The following OR4M1 variants were observed in gnomAD, a reference collection of about 807,000 sequenced individuals.
The protein encoded by OR4M1 is olfactory receptor 4M1.
Under a neutral mutation model 9.8 loss-of-function variants are expected in OR4M1, and 7 were observed. The ratio of observed to expected loss-of-function variants is 0.71; its 90% confidence interval spans 0.41 to 1.34. The LOEUF is 1.34. Ranked by LOEUF, OR4M1 falls within the 40% of genes most tolerant of loss-of-function variation. The probability of loss-of-function intolerance (pLI) is 0.01; values close to 1 mark genes in which losing one functional copy is unlikely to be tolerated. For synonymous variants in OR4M1, 121 were observed against 139.8 expected, an observed-to-expected ratio of 0.87 and a Z score of 0.95; for missense variants, 331 against 380.4, an observed-to-expected ratio of 0.87 and a Z score of 1.08.
Position 19,782,071 on chromosome 14 carries a change from C to T in OR4M1, c.*807C>T, listed in dbSNP as rs1040525748. The T allele has an allele frequency of 1.3e-5, 2 of 152,246 alleles. No individual in the cohort carries two copies. Among genetic ancestry groups the T allele is most frequent in the Non-Finnish European group, 2.9e-5 (2 of 68,064 alleles). The allele number at this position is 152,246 out of a possible 1,614,324, so 9.4% of individuals were successfully genotyped here. A position where few individuals can be genotyped will look rare whatever the true frequency, so the allele number is the denominator to read the frequency against. On this transcript the variant is annotated 3_prime_UTR_variant, in exon 2 of 2. Transcript: ENST00000641200. The stretch of plus-strand genomic sequence containing the variant: ...TGACTGGAATTGGTAGACATCTAGC[C>T]GTGTAGTTTTTTTCTAAACTATCAT...
chr14:19,780,942 C>G lies in OR4M1; in HGVS notation c.620C>G (p.Ser207Cys). The G allele has an allele frequency of 6.2e-7, 1 of 1,614,196 alleles. No individual in the cohort carries two copies. Among genetic ancestry groups the G allele is most frequent in the Non-Finnish European group, 8.5e-7 (1 of 1,180,022 alleles). ...LVMICSSGLI[S>C]VVCFIALLMS... ...ATGATCTGTAGTAGTGGTCTGATCT[C>G]TGTGGTGTGTTTCATTGCTCTGTTA... Residue 207 changes from serine (S) to cysteine (C), a missense_variant, in exon 2 of 2, where the codon TCT becomes TGT. This residue lies in a region of OR4M1 where 122 missense variants were observed against 180.5 expected (regional missense o/e 0.68). Transcript: ENST00000641200.
rs1413336454 is a variant in OR4M1 at position 19,781,494 on chromosome 14, A to G, written c.*230A>G. 1 of 506,578 alleles carries G rather than the reference A, an allele frequency of 2.0e-6. No individual in the cohort carries two copies. Among genetic ancestry groups the G allele is most frequent in the African/African-American group, 2.0e-5 (1 of 51,232 alleles). The allele number at this position is 506,578 out of a possible 1,614,324, so 31.4% of individuals were successfully genotyped here. A position where few individuals can be genotyped will look rare whatever the true frequency, so the allele number is the denominator to read the frequency against. The stretch of plus-strand genomic sequence containing the variant: ...CCAGGCAGATCATTATTAGAATTTG[A>G]GATATAATAATAATCTGCTAAAGTA... On this transcript the variant is annotated 3_prime_UTR_variant, in exon 2 of 2. Transcript: ENST00000641200.
intron 1 of OR4M1, among the ~76,000 whole-genome samples, chr14:19,776,122 T>C (rs1437604207): frequency 6.6e-6 from 1 of 152,234 alleles, no homozygotes; most frequent in Non-Finnish European, 1.5e-5. Flanking sequence ...TAATTCGCAT[T>C]ATTTCTAAGA....
intron 1 of OR4M1, among the ~76,000 whole-genome samples, 188 bp downstream of exon 1, chr14:19,773,781 G>T (rs1339505660): frequency 6.6e-6 from 1 of 151,914 alleles, no homozygotes; most frequent in Admixed American, 6.6e-5. Context: ...TGTAGAGTGG[G>T]TGGACAAATT....
At position 19,781,916 on chromosome 14, in the gene OR4M1, G is replaced by A. The variant is rs969868056; in HGVS notation, c.*652G>A. ...ACAAATTTTATGAATTCAAAGCAGA[G>A]TATAATTTGGCTGATACATGAGATT... is the stretch of plus-strand genomic sequence containing the variant. On this transcript the variant is annotated 3_prime_UTR_variant, in exon 2 of 2. Transcript: ENST00000641200. 6.6e-6 allele frequency: 1 copy of A among 152,512 alleles called. No individual in the cohort carries two copies. Among genetic ancestry groups the A allele is most frequent in the African/African-American group, 2.4e-5 (1 of 41,462 alleles). The allele number at this position is 152,512 out of a possible 1,614,324, so 9.4% of individuals were successfully genotyped here.
chr14:19,774,434 C>T (rs988504851), intron 1 of OR4M1, among the ~76,000 whole-genome samples: 2 of 152,208 alleles, frequency 1.3e-5, no homozygotes, highest in African/African-American at 2.4e-5. Context: ...ATGCTAGGAA[C>T]TACTTTAGGC....
chr14:19,777,396 A>G (rs1293451561), intron 1 of OR4M1, among the ~76,000 whole-genome samples: 1 of 152,110 alleles, frequency 6.6e-6, no homozygotes, highest in Non-Finnish European at 1.5e-5. Flanking sequence ...CCTTTTCTAA[A>G]ATACTCCATC....
At chr14:19,778,815 CTTTCTTTTGA>C (rs1878382705) in intron 1 of OR4M1, among the ~76,000 whole-genome samples, 1 of 54,698 alleles carries the variant, frequency 1.8e-5, no homozygotes, top group Non-Finnish European at 3.7e-5. Context: ...ACCTTATTAT[CTTTCTTTTGA>C]TTAAATCTTC....
At chr14:19,776,968 ATTC>A (rs1464251863) in intron 1 of OR4M1, among the ~76,000 whole-genome samples, 2 of 137,530 alleles carry the variant, frequency 1.5e-5, no homozygotes, top group Non-Finnish European at 1.5e-5. Context: ...TAAACAAATT[ATTC>A]TTCTCTCCAA....
At chr14:19,776,537 C>G (rs531473337) in intron 1 of OR4M1, among the ~76,000 whole-genome samples, 1 of 152,120 alleles carries the variant, frequency 6.6e-6, no homozygotes, top group Non-Finnish European at 1.5e-5. Context: ...GGATGTAAGA[C>G]GAAGTAAATC....
intron 1 of OR4M1, among the ~76,000 whole-genome samples, chr14:19,779,325 A>G (rs957857928): frequency 3.3e-5 from 5 of 152,144 alleles, no homozygotes; most frequent in Admixed American, 1.3e-4. Flanking sequence ...AAAAGAAACA[A>G]CTCTCTTGTA....
At chr14:19,776,697 T>G (rs1331331804) in intron 1 of OR4M1, among the ~76,000 whole-genome samples, 1 of 152,144 alleles carries the variant, frequency 6.6e-6, no homozygotes, top group African/African-American at 2.4e-5. Context: ...TAAACATAAT[T>G]GCTTTGGGTT....
intron 1 of OR4M1, among the ~76,000 whole-genome samples, chr14:19,779,480 G>A (rs1878401210): frequency 6.6e-6 from 1 of 152,184 alleles, no homozygotes; most frequent in African/African-American, 2.4e-5. Context: ...TCAATACAGG[G>A]CAGTAAGCAA....
Position 19,781,369 on chromosome 14 carries a change from T to C in OR4M1, c.*105T>C. ...TCACTTCCTCCGTTCATTTGTGTTC[T>C]TAAAATTTTACTATAATTTTTCTCT... On this transcript the variant is annotated 3_prime_UTR_variant, in exon 2 of 2. Coordinates refer to ENST00000641200, the MANE Select transcript of OR4M1 (RefSeq NM_001005500.2). 1 of 1,063,572 alleles carries C rather than the reference T, an allele frequency of 9.4e-7. No homozygotes were observed. The highest frequency in any genetic ancestry group is 1.3e-6 in the Non-Finnish European group (1 of 754,226). The allele number at this position is 1,063,572 out of a possible 1,614,324, so 65.9% of individuals were successfully genotyped here.
rs543919388 is a variant in OR4M1, at chr14:19,774,618, T to C, written c.-30+1025T>C. Reference sequence around the variant, plus strand: ...AAATGTGACATTTTTATGGAACTTATATATACAAAACTCATACAAAATTTC... The same window carrying C: ...AAATGTGACATTTTTATGGAACTTACATATACAAAACTCATACAAAATTTC... On this transcript the variant is annotated intron_variant, in intron 1 of 1. Transcript: ENST00000641200. Among the ~76,000 whole-genome samples, 5 of 152,378 alleles carry C rather than the reference T, an allele frequency of 3.3e-5. 1 individual carries two copies. In the East Asian group the frequency reaches 5.8e-4, roughly 18 times the overall value.
intron 1 of OR4M1, among the ~76,000 whole-genome samples, chr14:19,776,479 C>CTATTCCTG (rs1403054972): frequency 3.3e-5 from 5 of 152,304 alleles, no homozygotes; most frequent in Non-Finnish European, 1.5e-5. Context: ...TGGGAATTTT[C>CTATTCCTG]TAGATGTGGT....
chr14:19,773,801 C>A (rs866793645), intron 1 of OR4M1, among the ~76,000 whole-genome samples: 1 of 152,202 alleles, frequency 6.6e-6, no homozygotes, highest in Non-Finnish European at 1.5e-5. Context: ...TGTTTCTTCT[C>A]GGCCTTGATC....
In OR4M1 at chr14:19,781,204, G is replaced by A. The variant is rs752820200; in HGVS notation, c.882G>A (p.Lys294=). The A allele has an allele frequency of 3.7e-6, 6 of 1,613,888 alleles. No individual in the cohort carries two copies. The East Asian group carries it at 8.9e-5, about 24-fold the overall frequency. Residue 294 remains lysine, a synonymous_variant, in exon 2 of 2, where the codon AAG becomes AAA. Transcript: ENST00000641200. The part of the protein sequence containing the change: ...LNPIIYTLRN[K]EVKAAMRKVV... ...CCATTATTTACACATTGAGAAACAAGGAAGTAAAGGCAGCCATGAGGAAGG... is the reference window on the plus strand; with the variant it reads ...CCATTATTTACACATTGAGAAACAAAGAAGTAAAGGCAGCCATGAGGAAGG...
chr14:19,777,667 T>C (rs1332266885), intron 1 of OR4M1, among the ~76,000 whole-genome samples: 1 of 152,190 alleles, frequency 6.6e-6, no homozygotes, highest in Non-Finnish European at 1.5e-5. Context: ...GATAAACAAA[T>C]GAATAGTTTA....
Sources: gnomAD v4.1 joint callset for allele counts (sites outside exome capture counted in the v4.1 genomes callset) on GRCh38, gnomAD v4.1.1 for gene constraint, gnomAD v4.1.1 regional missense constraint, MANE v1.5 for transcripts, NCBI Gene and HGNC (gene_info 2026-07-23, HGNC 2026-07-21) for gene names.